ERI3: variants seen among roughly 807,000 people sequenced by gnomAD.
The protein encoded by ERI3 is ERI1 exoribonuclease 3.
Under a neutral mutation model 44.4 loss-of-function variants are expected in ERI3, and 18 were observed. That is an observed-to-expected ratio of 0.41 (90% CI 0.28 to 0.60). The LOEUF is 0.60. ERI3 is among the 20% of genes least tolerant of loss of function. The pLI is 0.36. For synonymous variants in ERI3, 183 were observed against 164.8 expected, an observed-to-expected ratio of 1.11 and a Z score of -0.84; for missense variants, 294 against 435.5, an observed-to-expected ratio of 0.68 and a Z score of 2.89.
At chr1:44,269,734 C>G (rs1384329070) in intron 7 of ERI3, among the ~76,000 whole-genome samples, 1 of 152,204 alleles carries the variant, frequency 6.6e-6, no homozygotes. Context: ...GCCAGACTGC[C>G]TTCAGGTGGT....
At chr1:44,305,002 G>A (rs994503026) in intron 6 of ERI3, among the ~76,000 whole-genome samples, 2 of 152,106 alleles carry the variant, frequency 1.3e-5, no homozygotes, top group Non-Finnish European at 1.5e-5. Context: ...CTCTGAGCAG[G>A]CCCCTGGCCC....
At chr1:44,352,254 C>A (rs951853534) in intron 2 of ERI3, among the ~76,000 whole-genome samples, 1 of 152,178 alleles carries the variant, frequency 6.6e-6, no homozygotes, top group Non-Finnish European at 1.5e-5. Flanking sequence ...CTAAATTAAA[C>A]CAAGATCCCA....
intron 6 of ERI3, among the ~76,000 whole-genome samples, chr1:44,291,875 C>G (rs1280421495): frequency 6.6e-6 from 1 of 152,162 alleles, no homozygotes; most frequent in African/African-American, 2.4e-5. Context: ...CCTTGGGACT[C>G]ATTCTCCCCA....
intron 3 of ERI3, among the ~76,000 whole-genome samples, chr1:44,333,825 A>G (rs1416662677): frequency 1.3e-5 from 2 of 152,138 alleles, no homozygotes; most frequent in Admixed American, 6.5e-5. Flanking sequence ...CTCCCCACAT[A>G]TCCTTCAAAA....
chr1:44,255,457 G>A lies in ERI3; in HGVS notation c.832-7419C>T, dbSNP rs550371802. Among the ~76,000 whole-genome samples, 249 of 152,210 alleles carry A rather than the reference G, an allele frequency of 1.6e-3. 1 individual carries two copies. The highest frequency in any genetic ancestry group is 5.7e-3 in the African/African-American group (238 of 41,536). ...CTCTGCATTTGGTCATCGTATCTGT[G>A]TACTCACCCACTCTGCACTCTCTCT... is the stretch of plus-strand genomic sequence containing the variant. On this transcript the variant is annotated intron_variant, in intron 7 of 8. Coordinates refer to ENST00000372257, the MANE Select transcript of ERI3 (RefSeq NM_024066.3).
intron 7 of ERI3, among the ~76,000 whole-genome samples, chr1:44,260,969 G>A (rs1047048777): frequency 2.0e-5 from 3 of 151,920 alleles, no homozygotes; most frequent in African/African-American, 7.2e-5. Flanking sequence ...CATAGGGTCT[G>A]GTATTCTTAC....
At chr1:44,229,828 C>T (rs1177493102) in intron 8 of ERI3, among the ~76,000 whole-genome samples, 4 of 152,120 alleles carry the variant, frequency 2.6e-5, no homozygotes, top group Non-Finnish European at 1.5e-5. Flanking sequence ...GCTGCCTCTT[C>T]CTTTTCCTAC....
At chr1:44,256,279 C>A (rs1644778732) in intron 7 of ERI3, among the ~76,000 whole-genome samples, 1 of 152,190 alleles carries the variant, frequency 6.6e-6, no homozygotes, top group Non-Finnish European at 1.5e-5. Flanking sequence ...CAACAGCCCA[C>A]CCCACAGCCA....
At chr1:44,307,877 T>C (rs1645873287) in intron 6 of ERI3, among the ~76,000 whole-genome samples, 1 of 152,254 alleles carries the variant, frequency 6.6e-6, no homozygotes, top group Non-Finnish European at 1.5e-5. Flanking sequence ...AACCTTTCTG[T>C]ACCTTTACTC....
At chr1:44,348,375 C>G (rs1572351470) in intron 2 of ERI3, among the ~76,000 whole-genome samples, 1 of 152,322 alleles carries the variant, frequency 6.6e-6, no homozygotes, top group African/African-American at 2.4e-5. Context: ...CTTCCCAAAT[C>G]AGGCTCATGC....
At chr1:44,353,580 C>G in intron 1 of ERI3, 1 of 985,428 alleles carries the variant, frequency 1.0e-6, no homozygotes. Flanking sequence ...ACATTTAAGA[C>G]TTTCTTCTAC....
chr1:44,353,653 A>C, intron 1 of ERI3: 1 of 985,480 alleles, frequency 1.0e-6, no homozygotes, highest in Non-Finnish European at 1.2e-6. Context: ...CACTTTTTAA[A>C]ATGAAAGGGA....
intron 6 of ERI3, among the ~76,000 whole-genome samples, chr1:44,298,688 G>A (rs564401817): frequency 1.3e-5 from 2 of 152,266 alleles, no homozygotes; most frequent in East Asian, 3.9e-4. Flanking sequence ...GCCAAGGCAG[G>A]CAGACTGCTT....
chr1:44,259,892 T>TAGAC lies in ERI3; in HGVS notation c.832-11855_832-11854insGTCT, dbSNP rs1644857299. On this transcript the variant is annotated intron_variant, in intron 7 of 8. Coordinates refer to ENST00000372257, the MANE Select transcript of ERI3 (RefSeq NM_024066.3). ...AAAACCCTCTAGATAGATAGATAGA[T>TAGAC]AGATAGATAGATAGATAGATAGATA... 2.8e-5 allele frequency among the ~76,000 whole-genome samples: 4 copies of TAGAC among 144,468 alleles called. No individual in the cohort carries two copies. In the South Asian group the frequency reaches 6.5e-4, roughly 24 times the overall value. The allele number at this position is 144,468 out of a possible 152,430, so 94.8% of individuals were successfully genotyped here.
At chr1:44,299,432 T>C (rs1245691192) in intron 6 of ERI3, among the ~76,000 whole-genome samples, 1 of 152,180 alleles carries the variant, frequency 6.6e-6, no homozygotes, top group African/African-American at 2.4e-5. Flanking sequence ...CAAACAATCC[T>C]GCTTCAGCCT....
intron 7 of ERI3, among the ~76,000 whole-genome samples, chr1:44,284,262 G>A (rs1196870402): frequency 6.6e-6 from 1 of 152,192 alleles, no homozygotes; most frequent in East Asian, 1.9e-4. Flanking sequence ...CTCCCCAGGT[G>A]CTTGATTCTA....
intron 2 of ERI3, among the ~76,000 whole-genome samples, chr1:44,343,052 G>A (rs1646716509): frequency 6.7e-6 from 1 of 150,184 alleles, no homozygotes; most frequent in Admixed American, 6.6e-5. Context: ...AGAAACAGAG[G>A]TCCTTAGAGA....
intron 4 of ERI3, among the ~76,000 whole-genome samples, chr1:44,318,400 A>C (rs530576707): frequency 3.3e-4 from 50 of 152,322 alleles, no homozygotes; most frequent in African/African-American, 1.2e-3. Flanking sequence ...GTGATTTTTC[A>C]AAAAGGGCAG....
intron 7 of ERI3, among the ~76,000 whole-genome samples, chr1:44,261,998 C>T (rs1405899170): frequency 1.3e-5 from 2 of 152,144 alleles, no homozygotes; most frequent in Admixed American, 1.3e-4. Flanking sequence ...TGCTTGGGGT[C>T]GTTCCCGAAG....
Sources: allele counts gnomAD v4.1 joint callset (sites outside exome capture counted in the v4.1 genomes callset), GRCh38; gene constraint gnomAD v4.1.1; transcripts MANE v1.5; gene names NCBI Gene and HGNC (gene_info 2026-07-23, HGNC 2026-07-21).